Variants in ADCY4 observed in about 807,000 individuals in gnomAD.
ADCY4 encodes the protein adenylate cyclase 4.
In ADCY4, 111 loss-of-function variants were observed where a neutral mutation model predicts 125.5. The observed-to-expected ratio is 0.88, with a 90% CI of 0.76 to 1.04. The LOEUF is 1.04. Among genes scored for constraint, ADCY4 ranks in the 50% least tolerant of loss-of-function variants. The pLI is 0.00. For synonymous variants in ADCY4, 576 were observed against 586.9 expected, an observed-to-expected ratio of 0.98 and a Z score of 0.27; for missense variants, 1,256 against 1,382.9, an observed-to-expected ratio of 0.91 and a Z score of 1.46.
chr14:24,319,068 C>A lies in ADCY4; in HGVS notation c.2956+30G>T, dbSNP rs942226164. On this transcript the variant is annotated intron_variant, in intron 23 of 24. Transcript: ENST00000418030. The surrounding 1 kb of genome is among the most constrained non-coding windows in gnomAD (Gnocchi z 4.5). ...CAAGCTCAGGAAGGTGAGGAGGTAC[C>A]AGACTGCTGCAGCAGGGGAAGTCTC... 7 of 1,610,896 alleles carry A rather than the reference C, an allele frequency of 4.3e-6. 1 individual carries two copies. The Admixed American group carries it at 1.0e-4, about 23-fold the overall frequency.
rs761901463 is a variant in ADCY4 at position 24,324,318 on chromosome 14, C to G, written c.1897G>C (p.Glu633Gln). ...FLLILFVCFS[E>Q]DLMRCVLKGP... is the part of the protein sequence containing the mutation. Reference sequence around the variant, plus strand: ...TCAGCCCACCTCACCATCAGGTCCTCTGAGAAGCAGACAAAAAGGATGAGG... The same window carrying G: ...TCAGCCCACCTCACCATCAGGTCCTGTGAGAAGCAGACAAAAAGGATGAGG... Residue 633 changes from glutamate to glutamine, a missense_variant, in exon 15 of 25, where the codon GAG (glutamate) becomes CAG (glutamine). Physicochemically the swap from Glu to Gln is conservative, Grantham distance 29. Transcript: ENST00000418030. 6.2e-7 allele frequency: 1 copy of G among 1,614,214 alleles called. No individual in the cohort carries two copies. The highest frequency in any genetic ancestry group is 8.5e-7 in the Non-Finnish European group (1 of 1,180,028).
At chr14:24,322,775 G>A (rs2041874788) in intron 18 of ADCY4, 67 bp from the exon 19 acceptor site, 2 of 1,570,852 alleles carry the variant, frequency 1.3e-6, no homozygotes, top group African/African-American at 2.7e-5. Flanking sequence ...CTGCCCCCAT[G>A]TAGGCCTCCG....
chr14:24,322,744 T>TC (rs1312189884), intron 18 of ADCY4, 36 bp from the exon 19 acceptor site: 2 of 1,604,750 alleles, frequency 1.2e-6, no homozygotes, highest in Admixed American at 1.7e-5. Context: ...CCCCTTGCTT[T>TC]CCCCCTTCCT....
rs758916391 is a variant in ADCY4, at chr14:24,319,767, T to C, written c.2708A>G (p.Asn903Ser). 18 of 1,614,010 alleles carry C rather than the reference T, an allele frequency of 1.1e-5. No individual in the cohort carries two copies. Among genetic ancestry groups the C allele is most frequent in the South Asian group, 7.7e-5 (7 of 91,092 alleles). ...HEGLECLRLL[N>S]EIIADFDELL... is the part of the protein sequence containing the mutation. The stretch of plus-strand genomic sequence containing the variant: ...CTCATCAAAATCAGCAATTATCTCA[T>C]TGAGCAGCCTCAGACACTCTAGGCC... Residue 903 changes from asparagine to serine, a missense_variant, in exon 21 of 25, where the codon AAT becomes AGT. Coordinates refer to ENST00000418030, the MANE Select transcript of ADCY4 (RefSeq NM_001198568.2). The surrounding 1 kb of genome is among the most constrained non-coding windows in gnomAD (Gnocchi z 4.5).
intron 1 of ADCY4, among the ~76,000 whole-genome samples, chr14:24,334,168 C>T (rs1441405299): frequency 6.6e-6 from 1 of 152,154 alleles, no homozygotes; most frequent in Non-Finnish European, 1.5e-5. Flanking sequence ...GAAATGAATT[C>T]CCCAGGGGCC....
chr14:24,332,298 G>C, intron 3 of ADCY4: 1 of 511,070 alleles, frequency 2.0e-6, no homozygotes. Context: ...TTGTCCCCGG[G>C]GTAAACCACG....
chr14:24,318,553 C>G lies in ADCY4; in HGVS notation c.3097G>C (p.Ala1033Pro), dbSNP rs1414994200. The G allele has an allele frequency of 1.9e-6, 3 of 1,613,968 alleles. No individual in the cohort carries two copies. Among genetic ancestry groups the G allele is most frequent in the Non-Finnish European group, 2.5e-6 (3 of 1,179,986 alleles). The part of the protein sequence containing the change: ...LGKIQVTEET[A>P]WALQSLGYTC... Reference sequence around the variant, plus strand: ...TAGCCCAGGGACTGTAGGGCCCATGCTGTCTCCTCAGTCACCTACAATTGG... The same window carrying G: ...TAGCCCAGGGACTGTAGGGCCCATGGTGTCTCCTCAGTCACCTACAATTGG... The change falls in exon 25 of 25, where the codon GCA (alanine) becomes CCA (proline). Residue 1033 changes from alanine (A) to proline (P), a missense_variant. Transcript: ENST00000418030.
At chr14:24,327,723 G>T (rs955691991) in intron 10 of ADCY4, among the ~76,000 whole-genome samples, 6 of 152,186 alleles carry the variant, frequency 3.9e-5, no homozygotes, top group Non-Finnish European at 7.3e-5. Context: ...AGGAGGAAGT[G>T]GGGGGTCCAA....
intron 6 of ADCY4, 108 bp downstream of exon 6, chr14:24,330,910 G>T: frequency 1.1e-6 from 1 of 931,796 alleles, no homozygotes; most frequent in Non-Finnish European, 1.6e-6. Context: ...GGGCCTGCAT[G>T]CACTGAAGTG....
chr14:24,328,416 G>A (rs1566437879), intron 10 of ADCY4, among the ~76,000 whole-genome samples: 1 of 152,170 alleles, frequency 6.6e-6, no homozygotes, highest in Non-Finnish European at 1.5e-5. Flanking sequence ...TGTACACCTG[G>A]CTCTGCCTTC....
At chr14:24,326,796 G>A (rs2041953708) in intron 10 of ADCY4, among the ~76,000 whole-genome samples, 1 of 151,806 alleles carries the variant, frequency 6.6e-6, no homozygotes, top group African/African-American at 2.4e-5. Context: ...GTTTCACCAT[G>A]TTGGTCAGGC....
intron 20 of ADCY4, among the ~76,000 whole-genome samples, chr14:24,321,294 G>A (rs1462151891): frequency 1.3e-5 from 2 of 151,464 alleles, no homozygotes; most frequent in Non-Finnish European, 2.9e-5. Flanking sequence ...GGTGGCAGGC[G>A]CCTGTAATCC....
rs146843899 is a variant in ADCY4 at position 24,331,803 on chromosome 14, G to T, written c.654C>A (p.Thr218=). Residue 218 remains threonine (T), a synonymous_variant, in exon 4 of 25, where the codon ACC becomes ACA. Transcript: ENST00000418030. ...SSLHSRRRLD[T]EKKHQEHLLL... ...CCCGGCTGACCTGGTGCTTCTTCTCGGTGTCCAGCCGCCGGCGTGAGTGCA... is the reference window on the plus strand; with the variant it reads ...CCCGGCTGACCTGGTGCTTCTTCTCTGTGTCCAGCCGCCGGCGTGAGTGCA... The T allele has an allele frequency of 6.3e-7, 1 of 1,589,552 alleles. No individual in the cohort carries two copies. Among genetic ancestry groups the T allele is most frequent in the Admixed American group, 1.7e-5 (1 of 58,406 alleles).
chr14:24,333,112 A>T, intron 1 of ADCY4, 124 bp from the exon 2 acceptor site: 1 of 941,728 alleles, frequency 1.1e-6, no homozygotes. Flanking sequence ...AAGTACGAAA[A>T]GGAGGCAAGG....
At position 24,335,043 on chromosome 14, in the gene ADCY4, TGGC is replaced by T. The variant is rs2139234033; in HGVS notation, c.-394_-392del. 1.2e-5 allele frequency: 2 copies of T among 162,558 alleles called. No individual in the cohort carries two copies. Among genetic ancestry groups the T allele is most frequent in the African/African-American group, 4.8e-5 (2 of 42,010 alleles). 10.1% of individuals were successfully genotyped at this position (162,558 alleles called of 1,614,324 possible). ...TCCGGGGAGGGAGCCGGGGACCTGATGGCGGAGTCACGCTCGCCGCTGCGCTCT... is the reference window on the plus strand; with the variant it reads ...TCCGGGGAGGGAGCCGGGGACCTGATGGAGTCACGCTCGCCGCTGCGCTCT... On this transcript the variant is annotated 5_prime_UTR_variant, in exon 1 of 25. Transcript: ENST00000418030.
chr14:24,319,571 G>T lies in ADCY4; in HGVS notation c.2734-135C>A. On this transcript the variant is annotated intron_variant, in intron 21 of 24. Coordinates refer to ENST00000418030, the MANE Select transcript of ADCY4 (RefSeq NM_001198568.2). The surrounding 1 kb of genome is among the most constrained non-coding windows in gnomAD (Gnocchi z 4.5). ...AGATAGTGTCAGGAAGGAGAGGGTT[G>T]GTGGTGGGCAGTGTTGCTGGAGTGG... The T allele has an allele frequency of 8.3e-7, 1 of 1,209,774 alleles. No homozygotes were observed. The highest frequency in any genetic ancestry group is 1.2e-6 in the Non-Finnish European group (1 of 839,800). The allele number at this position is 1,209,774 out of a possible 1,614,324, so 74.9% of individuals were successfully genotyped here.
At position 24,332,848 on chromosome 14, in the gene ADCY4, C is replaced by A. The variant is rs111359880; in HGVS notation, c.300G>T (p.Leu100=). ...RPLSGLVWVA[L]LALGHAFLFT... ...ACAGGAAGGCGTGGCCTAGCGCTAGCAGCGCGACCCATACCAAGCCGGACA... is the reference window on the plus strand; with the variant it reads ...ACAGGAAGGCGTGGCCTAGCGCTAGAAGCGCGACCCATACCAAGCCGGACA... Residue 100 remains leucine (L), a synonymous_variant, in exon 2 of 25, where the codon CTG becomes CTT. Coordinates refer to ENST00000418030, the MANE Select transcript of ADCY4 (RefSeq NM_001198568.2). The A allele has an allele frequency of 1.3e-5, 21 of 1,595,332 alleles. No homozygotes were observed. The African/African-American group carries it at 2.1e-4, about 16-fold the overall frequency.
Position 24,319,701 on chromosome 14 carries a change from A to C in ADCY4, c.2733+41T>G. 3.1e-6 allele frequency: 5 copies of C among 1,611,836 alleles called. No individual in the cohort carries two copies. Among genetic ancestry groups the C allele is most frequent in the Non-Finnish European group, 4.2e-6 (5 of 1,179,352 alleles). On this transcript the variant is annotated intron_variant, in intron 21 of 24. Transcript: ENST00000418030. The surrounding 1 kb of genome is among the most constrained non-coding windows in gnomAD (Gnocchi z 4.5). The stretch of plus-strand genomic sequence containing the variant: ...AGGAGGTACTGGTGGAAAATTCTAG[A>C]ATCTAGGACATAGGGTCTGGGAGAC...
At chr14:24,325,189 G>T (rs568123285) in intron 14 of ADCY4, among the ~76,000 whole-genome samples, 188 bp downstream of exon 14, 1 of 134,886 alleles carries the variant, frequency 7.4e-6, no homozygotes, top group African/African-American at 3.4e-5. Flanking sequence ...TGTGTAGAAA[G>T]TCCACAGGAT....
Sources: gnomAD v4.1 joint callset for allele counts (sites outside exome capture counted in the v4.1 genomes callset) on GRCh38, gnomAD v4.1.1 for gene constraint, Gnocchi (gnomAD v3.1) non-coding constraint, MANE v1.5 for transcripts, NCBI Gene and HGNC (gene_info 2026-07-23, HGNC 2026-07-21) for gene names.